The following OR9Q1 variants were observed in gnomAD, a reference collection of about 807,000 sequenced individuals.
OR9Q1 encodes the protein olfactory receptor family 9 subfamily Q member 1, also known as olfactory receptor 9Q1.
For missense variants in OR9Q1, 374 were observed against 378.8 expected (o/e 0.99, Z 0.11); for synonymous variants, 153 against 148.6 (o/e 1.03, Z -0.22).
intron 2 of OR9Q1, among the ~76,000 whole-genome samples, chr11:58,107,580 A>G (rs1324737855): frequency 6.6e-6 from 1 of 152,142 alleles, no homozygotes; most frequent in African/African-American, 2.4e-5. Flanking sequence ...TTACGTGTGC[A>G]CGTGTCTTTA....
chr11:58,101,094 G>A (rs1049773741), intron 2 of OR9Q1, among the ~76,000 whole-genome samples: 2 of 151,880 alleles, frequency 1.3e-5, no homozygotes, highest in African/African-American at 4.8e-5. Flanking sequence ...TTAACTCCTA[G>A]TTTTTGATAA....
At chr11:58,105,743 A>G (rs1325047614) in intron 2 of OR9Q1, among the ~76,000 whole-genome samples, 2 of 152,096 alleles carry the variant, frequency 1.3e-5, no homozygotes, top group Non-Finnish European at 2.9e-5. Flanking sequence ...TCTGTCTGTG[A>G]CTTATTTGAC....
chr11:58,099,284 T>C (rs1853761120), intron 2 of OR9Q1, among the ~76,000 whole-genome samples: 1 of 141,356 alleles, frequency 7.1e-6, no homozygotes, highest in Non-Finnish European at 1.5e-5. Flanking sequence ...ATATAATATA[T>C]AAAATAATAT....
intron 2 of OR9Q1, among the ~76,000 whole-genome samples, chr11:58,158,971 G>C (rs776050965): frequency 6.6e-6 from 1 of 152,206 alleles, no homozygotes; most frequent in African/African-American, 2.4e-5. Context: ...TTCTTAACTT[G>C]GCTGCATTTT....
intron 2 of OR9Q1, among the ~76,000 whole-genome samples, chr11:58,081,387 C>T (rs760038094): frequency 3.3e-5 from 5 of 152,108 alleles, no homozygotes; most frequent in Non-Finnish European, 5.9e-5. Flanking sequence ...CTTGAGGAAT[C>T]GCCACACTGT....
In OR9Q1 at chr11:58,180,084, A is replaced by G; in HGVS notation, c.640A>G (p.Ile214Val). 1 of 1,614,140 alleles carries G rather than the reference A, an allele frequency of 6.2e-7. No individual in the cohort carries two copies. The highest frequency in any genetic ancestry group is 1.1e-5 in the South Asian group (1 of 91,070). Residue 214 changes from isoleucine (I) to valine (V), a missense_variant, in exon 3 of 3, where the codon ATC becomes GTC. Transcript: ENST00000335397. ...IFVIPASMVV[I>V]LVSYLFIIVA... ...TGTCATCCCTGCTTCCATGGTGGTG[A>G]TCTTGGTGTCCTACCTGTTTATCAT...
intron 2 of OR9Q1, among the ~76,000 whole-genome samples, chr11:58,121,110 A>G (rs894046227): frequency 2.0e-5 from 3 of 152,166 alleles, no homozygotes; most frequent in Non-Finnish European, 2.9e-5. Context: ...AGGAAATGTC[A>G]TTAAACTTCT....
intron 1 of OR9Q1, among the ~76,000 whole-genome samples, chr11:58,036,393 A>G (rs1853101034): frequency 6.6e-6 from 1 of 152,232 alleles, no homozygotes; most frequent in South Asian, 2.1e-4. Context: ...AAGGAGATTC[A>G]TGTTGTTTTC....
chr11:58,179,968 A>C lies in OR9Q1; in HGVS notation c.524A>C (p.Asp175Ala). Residue 175 changes from aspartate to alanine, a missense_variant, in exon 3 of 3, where the codon GAC (aspartate) becomes GCC (alanine). Transcript: ENST00000335397. ...TCCTTCTGTGGAACCAGTGAGATTG[A>C]CTTTATTTTCTGTGACCTCCCTCCT... ...TLSFCGTSEI[D>A]FIFCDLPPLL... The C allele has an allele frequency of 6.2e-7, 1 of 1,614,082 alleles. No individual in the cohort carries two copies. Among genetic ancestry groups the C allele is most frequent in the South Asian group, 1.1e-5 (1 of 91,078 alleles).
intron 2 of OR9Q1, among the ~76,000 whole-genome samples, chr11:58,135,437 T>C (rs1854180536): frequency 6.6e-6 from 1 of 152,164 alleles, no homozygotes; most frequent in South Asian, 2.1e-4. Flanking sequence ...CTGAGTCCAC[T>C]GAAGTCCACC....
intron 2 of OR9Q1, among the ~76,000 whole-genome samples, chr11:58,104,350 T>C (rs1590591956): frequency 3.5e-5 from 1 of 28,320 alleles, no homozygotes; most frequent in African/African-American, 6.8e-5. Flanking sequence ...TGGATGGTAG[T>C]TTTTTTTTTT....
intron 1 of OR9Q1, among the ~76,000 whole-genome samples, chr11:58,027,169 G>A (rs2119900292): frequency 6.6e-6 from 1 of 152,316 alleles, no homozygotes; most frequent in Admixed American, 6.5e-5. Flanking sequence ...AATTGCCCAC[G>A]CATGCCCAAC....
chr11:58,054,275 G>C (rs946081113), intron 1 of OR9Q1, among the ~76,000 whole-genome samples: 17 of 152,072 alleles, frequency 1.1e-4, no homozygotes, highest in African/African-American at 4.1e-4. Context: ...TTTGTAATTA[G>C]GAAAAGAGGT....
intron 2 of OR9Q1, chr11:58,118,949 G>A: frequency 1.2e-6 from 2 of 1,613,980 alleles, no homozygotes; most frequent in East Asian, 2.2e-5. Context: ...CAGAAGGAGA[G>A]GGTGAAGGTG....
intron 2 of OR9Q1, among the ~76,000 whole-genome samples, chr11:58,157,682 G>A (rs1308460717): frequency 6.6e-6 from 1 of 152,166 alleles, no homozygotes; most frequent in Non-Finnish European, 1.5e-5. Flanking sequence ...AGTGAGGATA[G>A]CCCATCCTGT....
intron 2 of OR9Q1, among the ~76,000 whole-genome samples, chr11:58,140,478 G>C (rs1250401063): frequency 3.9e-5 from 6 of 152,078 alleles, no homozygotes; most frequent in Non-Finnish European, 7.4e-5. Context: ...GTGTAAGGAA[G>C]GAATCCAGTT....
At chr11:58,088,286 G>A (rs1241634550) in intron 2 of OR9Q1, among the ~76,000 whole-genome samples, 1 of 151,920 alleles carries the variant, frequency 6.6e-6, no homozygotes, top group Non-Finnish European at 1.5e-5. Context: ...AAACATATGT[G>A]TGCATGTGTC....
rs749561626 is a variant in OR9Q1, at chr11:58,031,293, C to G, written c.-93+7189C>G. ...TTCATCTTCACCTTTCTTGGGGCAACTGAGTGTTTCCTACTGGCTGCCATG... is the reference window on the plus strand; with the variant it reads ...TTCATCTTCACCTTTCTTGGGGCAAGTGAGTGTTTCCTACTGGCTGCCATG... On this transcript the variant is annotated intron_variant, in intron 1 of 2. Transcript: ENST00000335397. 3.1e-6 allele frequency: 5 copies of G among 1,614,020 alleles called. No homozygotes were observed. The East Asian group carries it at 8.9e-5, about 29-fold the overall frequency.
chr11:58,166,330 G>A (rs755876549), intron 2 of OR9Q1, among the ~76,000 whole-genome samples: 3 of 151,966 alleles, frequency 2.0e-5, no homozygotes, highest in Admixed American at 6.6e-5. Context: ...CAATCTTCTC[G>A]CCCAGAAGTA....
Sources: allele counts gnomAD v4.1 joint callset (sites outside exome capture counted in the v4.1 genomes callset), GRCh38; gene constraint gnomAD v4.1.1; transcripts MANE v1.5; gene names NCBI Gene and HGNC (gene_info 2026-07-23, HGNC 2026-07-21).